CNTNAP3: variants seen among roughly 807,000 people sequenced by gnomAD.
CNTNAP3 encodes the protein contactin-associated protein-like 3.
Under a neutral mutation model 92.1 loss-of-function variants are expected in CNTNAP3, and 36 were observed. That is an observed-to-expected ratio of 0.39 (90% CI 0.30 to 0.52). The LOEUF (loss-of-function observed/expected upper bound fraction) is 0.52, where lower values mean the gene tolerates loss of function less well. CNTNAP3 is among the 20% of genes least tolerant of loss of function. The pLI is 0.76. For synonymous variants in CNTNAP3, 232 were observed against 422.3 expected (o/e 0.55, Z 5.53); for missense variants, 534 against 1,069.6 (o/e 0.50, Z 6.98).
At chr9:39,137,837 G>A (rs1390389168) in intron 12 of CNTNAP3, among the ~76,000 whole-genome samples, 1 of 151,990 alleles carries the variant, frequency 6.6e-6, no homozygotes, top group Non-Finnish European at 1.5e-5. Context: ...TCTCTTCAAA[G>A]TGTGTTTTTT....
At chr9:39,110,924 T>C (rs1332258077) in intron 14 of CNTNAP3, among the ~76,000 whole-genome samples, 1 of 152,188 alleles carries the variant, frequency 6.6e-6, no homozygotes, top group Non-Finnish European at 1.5e-5. Context: ...TACTGTATTT[T>C]TTAAATTGCC....
At position 39,076,872 on chromosome 9, in the gene CNTNAP3, G is replaced by C. The variant is rs936265053; in HGVS notation, c.3745+1513C>G. Reference sequence around the variant, plus strand: ...ATCCCCAGCTACTTGGGCTGCTGAGGCAGGAGAATGGGAGGCGGAGCTTGC... The same window carrying C: ...ATCCCCAGCTACTTGGGCTGCTGAGCCAGGAGAATGGGAGGCGGAGCTTGC... On this transcript the variant is annotated intron_variant, in intron 23 of 23. Transcript: ENST00000297668. Among the ~76,000 whole-genome samples the C allele has an allele frequency of 1.6e-4, 24 of 152,414 alleles. No individual in the cohort carries two copies. The East Asian group carries it at 4.6e-3, about 29-fold the overall frequency.
In CNTNAP3 at chr9:39,078,775, G is replaced by A. The variant is rs1030733758; in HGVS notation, c.3588C>T (p.His1196=). Reference sequence around the variant, plus strand: ...CTGCGCAGCGGGCCATAGGGGCCACGTGGCCGCGGACGGTGACCCGGGAGG... The same window carrying A: ...CTGCGCAGCGGGCCATAGGGGCCACATGGCCGCGGACGGTGACCCGGGAGG... ...SGPSRVTVRG[H]VAPMARCAAG... is the part of the protein sequence containing the mutation. Residue 1196 remains histidine (H), a synonymous_variant, in exon 22 of 24, where the codon CAC becomes CAT. Coordinates refer to ENST00000297668, the MANE Select transcript of CNTNAP3 (RefSeq NM_033655.5). 12 of 1,520,400 alleles carry A rather than the reference G, an allele frequency of 7.9e-6. No homozygotes were observed. In the Admixed American group the frequency reaches 2.1e-4, roughly 26 times the overall value. The allele number at this position is 1,520,400 out of a possible 1,614,324, so 94.2% of individuals were successfully genotyped here.
In CNTNAP3 at chr9:39,099,943, A is replaced by C; in HGVS notation, c.2963T>G (p.Phe988Cys). ...GCAGAACGGCCCATCATAGGCTGAG[A>C]AGGCACAGTCACAGGTGACCCCCCT... ...KRRGVTCDCA[F>C]SAYDGPFCSN... Residue 988 changes from phenylalanine to cysteine, a missense_variant, in exon 18 of 24, where the codon TTC (phenylalanine) becomes TGC (cysteine). By Grantham distance (205) the Phe-to-Cys change is radical (BLOSUM62 -2). Transcript: ENST00000297668. 6.2e-7 allele frequency: 1 copy of C among 1,611,028 alleles called. No individual in the cohort carries two copies. Among genetic ancestry groups the C allele is most frequent in the Non-Finnish European group, 8.5e-7 (1 of 1,179,378 alleles).
At chr9:39,093,731 T>G (rs1324283377) in intron 18 of CNTNAP3, among the ~76,000 whole-genome samples, 3 of 151,614 alleles carry the variant, frequency 2.0e-5, no homozygotes, top group African/African-American at 7.2e-5. Context: ...CAATATACCA[T>G]TATATGTATA....
At chr9:39,148,765 T>A (rs1311080330) in intron 10 of CNTNAP3, among the ~76,000 whole-genome samples, 3 of 152,162 alleles carry the variant, frequency 2.0e-5, no homozygotes, top group Non-Finnish European at 4.4e-5. Flanking sequence ...GACCTCATGA[T>A]CCGCTCTCCT....
chr9:39,118,918 AAT>A (rs1319320617), intron 13 of CNTNAP3, among the ~76,000 whole-genome samples: 1 of 152,154 alleles, frequency 6.6e-6, no homozygotes, highest in Non-Finnish European at 1.5e-5. Context: ...CAGCACTGAC[AAT>A]GATTAAATGA....
chr9:39,088,092 T>C (rs1269412582), intron 19 of CNTNAP3, among the ~76,000 whole-genome samples: 1 of 152,116 alleles, frequency 6.6e-6, no homozygotes, highest in Non-Finnish European at 1.5e-5. Context: ...ATGTATGTCA[T>C]GTATCTAGAT....
At chr9:39,089,525 T>C (rs184268635) in intron 18 of CNTNAP3, among the ~76,000 whole-genome samples, 2 of 152,322 alleles carry the variant, frequency 1.3e-5, no homozygotes, top group East Asian at 3.9e-4. Context: ...TCCATGAAAA[T>C]TCACGTGTAA....
intron 9 of CNTNAP3, chr9:39,159,730 T>C (rs1822045423): frequency 7.2e-6 from 1 of 138,846 alleles, no homozygotes; most frequent in Admixed American, 7.0e-5. Context: ...CTTTTTTTTT[T>C]TTTGGCCATT....
chr9:39,075,015 G>A (rs1351110359), intron 23 of CNTNAP3, among the ~76,000 whole-genome samples: 3 of 152,364 alleles, frequency 2.0e-5, no homozygotes, highest in African/African-American at 4.8e-5. Context: ...TGATCCGTCC[G>A]CCTCGGCCTC....
At chr9:39,107,854 T>C (rs1445092545) in intron 15 of CNTNAP3, among the ~76,000 whole-genome samples, 1 of 152,194 alleles carries the variant, frequency 6.6e-6, no homozygotes, top group Non-Finnish European at 1.5e-5. Flanking sequence ...GAGAACAGAA[T>C]ATTTCGGTCA....
At chr9:39,133,167 C>G in intron 12 of CNTNAP3, 32 bp from the exon 13 acceptor site, 1 of 1,557,270 alleles carries the variant, frequency 6.4e-7, no homozygotes, top group Non-Finnish European at 8.6e-7. Flanking sequence ...AGAGGCATCA[C>G]TGGACGGCAG....
intron 20 of CNTNAP3, 158 bp from the exon 21 acceptor site, chr9:39,085,981 A>G: frequency 1.3e-6 from 1 of 749,624 alleles, no homozygotes; most frequent in Non-Finnish European, 2.3e-6. Context: ...ATCATTTAGA[A>G]AGAGAAGCTA....
At position 39,068,243 on chromosome 9, in the gene CNTNAP3, C is replaced by CAAAAAAAAAAAAAAAAAA. The variant is rs1198106886; in HGVS notation, c.*5629_*5646dup. Among the ~76,000 whole-genome samples the CAAAAAAAAAAAAAAAAAA allele has an allele frequency of 3.5e-4, 45 of 129,342 alleles. No homozygotes were observed. Among genetic ancestry groups the CAAAAAAAAAAAAAAAAAA allele is most frequent in the African/African-American group, 4.6e-4 (16 of 34,738 alleles). 84.9% of individuals were successfully genotyped at this position (129,342 alleles called of 152,430 possible). ...TGAAACCTTGCCTCCACTAAAAATACAAAAAAAAAAAAAAAAAAAAAAATT... is the reference window on the plus strand; with the variant it reads ...TGAAACCTTGCCTCCACTAAAAATACAAAAAAAAAAAAAAAAAAAAAAAAAAAAAAAAAAAAAAAAATT... On this transcript the variant is annotated 3_prime_UTR_variant, in exon 24 of 24. Transcript: ENST00000297668.
At chr9:39,103,231 C>T (rs966204701) in intron 16 of CNTNAP3, among the ~76,000 whole-genome samples, 6 of 152,390 alleles carry the variant, frequency 3.9e-5, no homozygotes, top group African/African-American at 1.4e-4. Context: ...CTAGGGAAGG[C>T]ATGACATTTT....
intron 18 of CNTNAP3, among the ~76,000 whole-genome samples, chr9:39,094,946 T>C (rs1576781): frequency 2.0e-5 from 3 of 151,606 alleles, no homozygotes; most frequent in Non-Finnish European, 4.4e-5. Context: ...TTAATAATCT[T>C]AAGTTTTCCA....
intron 4 of CNTNAP3, among the ~76,000 whole-genome samples, chr9:39,179,340 C>CAG (rs1554652877): frequency 9.2e-6 from 1 of 109,186 alleles, no homozygotes; most frequent in Non-Finnish European, 1.8e-5. Flanking sequence ...CACACACACA[C>CAG]AGGCACACAG....
intron 21 of CNTNAP3, among the ~76,000 whole-genome samples, chr9:39,079,632 T>C (rs1353734988): frequency 6.8e-6 from 1 of 147,820 alleles, no homozygotes; most frequent in Non-Finnish European, 1.5e-5. Flanking sequence ...AACCACTATA[T>C]CTGATTTTAT....
Sources: allele counts gnomAD v4.1 joint callset (sites outside exome capture counted in the v4.1 genomes callset), GRCh38; gene constraint gnomAD v4.1.1; transcripts MANE v1.5; gene names NCBI Gene and HGNC (gene_info 2026-07-23, HGNC 2026-07-21).